NUTM1: variants seen among roughly 807,000 people sequenced by gnomAD.
NUTM1 encodes NUT midline carcinoma family member 1, also known as NUT family member 1.
NUTM1 carries 39 observed loss-of-function variants against 88.7 expected under a neutral mutation model. The observed-to-expected ratio is 0.44, with a 90% CI of 0.34 to 0.57. NUTM1 has a LOEUF of 0.57. Ranked by LOEUF, NUTM1 falls within the 20% of genes least tolerant of loss-of-function variation. NUTM1 has a pLI of 0.01. For missense variants in NUTM1, 1,350 were observed against 1,414.5 expected (o/e 0.95, Z 0.73); for synonymous variants, 494 against 538.0 (o/e 0.92, Z 1.13).
At chr15:34,352,642 C>CAAAAAAAAA in intron 4 of NUTM1, among the ~76,000 whole-genome samples, 1 of 112,726 alleles carries the variant, frequency 8.9e-6, no homozygotes, top group Non-Finnish European at 1.8e-5. Flanking sequence ...ACTAAAAATA[C>CAAAAAAAAA]AAAAAAAAAA....
intron 1 of NUTM1, among the ~76,000 whole-genome samples, chr15:34,344,502 C>CAAAAAAAAAAAAAAAA: frequency 1.2e-5 from 1 of 85,752 alleles, no homozygotes; most frequent in Non-Finnish European, 2.3e-5. Flanking sequence ...GATCCTGTCT[C>CAAAAAAAAAAAAAAAA]AAAAAAAAAA....
At chr15:34,354,308 A>G in intron 5 of NUTM1, 138 bp from the exon 6 acceptor site, 1 of 987,200 alleles carries the variant, frequency 1.0e-6, no homozygotes, top group South Asian at 1.4e-5. Context: ...GAGCTTACAG[A>G]GCTGGGAGGC....
Position 34,348,092 on chromosome 15 carries a change from C to T in NUTM1, c.224C>T (p.Pro75Leu), listed in dbSNP as rs373347689. The T allele has an allele frequency of 4.3e-6, 7 of 1,614,022 alleles. No individual in the cohort carries two copies. Among genetic ancestry groups the T allele is most frequent in the South Asian group, 1.1e-5 (1 of 91,092 alleles). Residue 75 changes from proline (P) to leucine (L), a missense_variant, in exon 3 of 8, where the codon CCA becomes CTA. Pro to Leu is a moderately conservative substitution (Grantham distance 98). Around this residue, in one of 5 missense-constraint regions of NUTM1, gnomAD observed 399 missense variants for 397.9 expected, o/e 1.00. Coordinates refer to ENST00000537011, the MANE Select transcript of NUTM1 (RefSeq NM_001284292.2). ...GACCACCCACCCAGGGAGCCACCTC[C>T]ACAGCCCATCATGCCTTCAGTATTC... is the stretch of plus-strand genomic sequence containing the variant. ...PPDHPPREPP[P>L]QPIMPSVFSP...
chr15:34,357,337 C>G lies in NUTM1; in HGVS notation c.3329C>G (p.Ala1110Gly). Reference protein sequence around the residue: ...SGKRALAGGPAPTEKTPHSGA... With the variant: ...SGKRALAGGPGPTEKTPHSGA... ...AAGCGAGCTCTAGCTGGAGGTCCAGCCCCTACTGAAAAGACACCCCACTCA... is the reference window on the plus strand; with the variant it reads ...AAGCGAGCTCTAGCTGGAGGTCCAGGCCCTACTGAAAAGACACCCCACTCA... The change falls in exon 8 of 8, where the codon GCC becomes GGC. Residue 1110 changes from alanine to glycine, a missense_variant. Ala to Gly is a moderately conservative substitution (Grantham distance 60). Coordinates refer to ENST00000537011, the MANE Select transcript of NUTM1 (RefSeq NM_001284292.2). 3 of 1,614,182 alleles carry G rather than the reference C, an allele frequency of 1.9e-6. No individual in the cohort carries two copies. Among genetic ancestry groups the G allele is most frequent in the Non-Finnish European group, 2.5e-6 (3 of 1,180,034 alleles).
Position 34,357,238 on chromosome 15 carries a change from A to G in NUTM1, c.3230A>G (p.Gln1077Arg). The change falls in exon 8 of 8, where the codon CAG (glutamine) becomes CGG (arginine). Residue 1077 changes from glutamine to arginine, a missense_variant. Coordinates refer to ENST00000537011, the MANE Select transcript of NUTM1 (RefSeq NM_001284292.2). Reference sequence around the variant, plus strand: ...CATGCCTCAGGAGGTCAGGGCAGCCAGAGAGCATCCCACCTGCTCCCTGCT... The same window carrying G: ...CATGCCTCAGGAGGTCAGGGCAGCCGGAGAGCATCCCACCTGCTCCCTGCT... ...PHHASGGQGSQRASHLLPAGA... is the reference protein window; with the variant it reads ...PHHASGGQGSRRASHLLPAGA... 6.2e-7 allele frequency: 1 copy of G among 1,614,184 alleles called. No individual in the cohort carries two copies. Among genetic ancestry groups the G allele is most frequent in the Non-Finnish European group, 8.5e-7 (1 of 1,180,036 alleles).
Position 34,355,700 on chromosome 15 carries a change from G to T in NUTM1, c.1692G>T (p.Val564=). 2 of 1,610,444 alleles carry T rather than the reference G, an allele frequency of 1.2e-6. No individual in the cohort carries two copies. Among genetic ancestry groups the T allele is most frequent in the Non-Finnish European group, 1.7e-6 (2 of 1,177,926 alleles). The change falls in exon 8 of 8, where the codon GTG becomes GTT. Residue 564 remains valine, a synonymous_variant. Transcript: ENST00000537011. The surrounding 1 kb of genome is among the most constrained non-coding windows in gnomAD (Gnocchi z 4.3). ...VSSSGKRARE[V]HGGQEQALDS... ...CTTCAGGAAAACGGGCAAGAGAAGT[G>T]CATGGTGGGCAGGAGCAAGCCCTAG...
In NUTM1 at chr15:34,345,955, C is replaced by T; in HGVS notation, c.20C>T (p.Pro7Leu). The change falls in exon 2 of 8, where the codon CCT (proline) becomes CTT (leucine). Residue 7 changes from proline to leucine, a missense_variant. Pro to Leu is a moderately conservative substitution (Grantham distance 98). Coordinates refer to ENST00000537011, the MANE Select transcript of NUTM1 (RefSeq NM_001284292.2). MVVTLGPGPDCLILEAS... is the reference protein window; with the variant it reads MVVTLGLGPDCLILEAS... ...TACTGGAGCCAGGTTACTCTGGGTC[C>T]TGGACCTGACTGCCTCATTCTGGAG... The T allele has an allele frequency of 6.2e-7, 1 of 1,614,108 alleles. No individual in the cohort carries two copies. The highest frequency in any genetic ancestry group is 8.5e-7 in the Non-Finnish European group (1 of 1,179,982).
Position 34,357,315 on chromosome 15 carries a change from C to T in NUTM1, c.3307C>T (p.Arg1103Ter), listed in dbSNP as rs529767971. The T allele has an allele frequency of 6.8e-6, 11 of 1,614,026 alleles. No homozygotes were observed. The highest frequency in any genetic ancestry group is 2.2e-5 in the South Asian group (2 of 91,086). ...LPYPVAKSGK[R>*]ALAGGPAPTE... Reference sequence around the variant, plus strand: ...ATATCCTGTTGCCAAGTCTGGGAAGCGAGCTCTAGCTGGAGGTCCAGCCCC... The same window carrying T: ...ATATCCTGTTGCCAAGTCTGGGAAGTGAGCTCTAGCTGGAGGTCCAGCCCC... The change falls in exon 8 of 8, where the codon CGA (arginine) becomes TGA (stop). Residue 1103 changes from arginine to a stop codon, truncating the protein, a stop_gained. Coordinates refer to ENST00000537011, the MANE Select transcript of NUTM1 (RefSeq NM_001284292.2). LOFTEE classifies it high-confidence loss of function.
chr15:34,348,011 C>T lies in NUTM1; in HGVS notation c.143C>T (p.Ala48Val). The change falls in exon 3 of 8, where the codon GCC becomes GTC. Residue 48 changes from alanine (A) to valine (V), a missense_variant. Ala to Val is a moderately conservative substitution (Grantham distance 64, BLOSUM62 0). Around this residue, in one of 5 missense-constraint regions of NUTM1, gnomAD observed 399 missense variants for 397.9 expected, o/e 1.00. Coordinates refer to ENST00000537011, the MANE Select transcript of NUTM1 (RefSeq NM_001284292.2). The stretch of plus-strand genomic sequence containing the variant: ...CCGGATATGAGCATGAAACCTAGTG[C>T]CGCCCCGTCTCCATCCCCTGCACTT... ...PGPDMSMKPS[A>V]APSPSPALPF... 6.2e-7 allele frequency: 1 copy of T among 1,613,570 alleles called. No homozygotes were observed. The highest frequency in any genetic ancestry group is 8.5e-7 in the Non-Finnish European group (1 of 1,179,754).
At chr15:34,349,017 C>T (rs1890660489) in intron 3 of NUTM1, among the ~76,000 whole-genome samples, 1 of 152,080 alleles carries the variant, frequency 6.6e-6, no homozygotes, top group Non-Finnish European at 1.5e-5. Context: ...CAGGGTCCTC[C>T]CCCCGTTCTA....
Position 34,354,633 on chromosome 15 carries a change from G to A in NUTM1, c.1263G>A (p.Glu421=), listed in dbSNP as rs747068671. ...LATGESDGKQ[E]EEGQQQEEEG... is the part of the protein sequence containing the mutation. ...CTGGGGAGTCAGATGGAAAACAAGA[G>A]GAAGAAGGGCAGCAGCAGGAGGAGG... Residue 421 remains glutamate, a synonymous_variant, in exon 6 of 8, where the codon GAG becomes GAA. Coordinates refer to ENST00000537011, the MANE Select transcript of NUTM1 (RefSeq NM_001284292.2). The A allele has an allele frequency of 2.0e-4, 328 of 1,614,036 alleles. No homozygotes were observed. Among genetic ancestry groups the A allele is most frequent in the Non-Finnish European group, 2.7e-4 (321 of 1,180,032 alleles).
intron 2 of NUTM1, among the ~76,000 whole-genome samples, chr15:34,346,881 T>TAAA (rs10671676): frequency 0.17 from 5,913 of 34,182 alleles, 2,336 homozygotes; most frequent in Non-Finnish European, 0.21. Context: ...AGACTCCATC[T>TAAA]AAAAAAAAAA....
In NUTM1 at chr15:34,343,472, C is replaced by T. The variant is rs1890523691; in HGVS notation, c.-225C>T. 3 of 972,486 alleles carry T rather than the reference C, an allele frequency of 3.1e-6. No individual in the cohort carries two copies. The highest frequency in any genetic ancestry group is 5.3e-5 in the East Asian group (2 of 37,962). The allele number at this position is 972,486 out of a possible 1,614,324, so 60.2% of individuals were successfully genotyped here. ...AAACAAGGGCTCCAGGATTCAGAGC[C>T]CCTTTACCCTAGGGAAGAAAGAAGA... is the stretch of plus-strand genomic sequence containing the variant. On this transcript the variant is annotated 5_prime_UTR_variant, in exon 1 of 8. Coordinates refer to ENST00000537011, the MANE Select transcript of NUTM1 (RefSeq NM_001284292.2).
chr15:34,352,039 G>A (rs1026672966), intron 4 of NUTM1, among the ~76,000 whole-genome samples: 9 of 151,956 alleles, frequency 5.9e-5, no homozygotes, highest in Non-Finnish European at 8.8e-5. Context: ...GCATGGTGGC[G>A]CATGCCTGTA....
Position 34,355,545 on chromosome 15 carries a change from A to G in NUTM1, c.1537A>G (p.Ser513Gly), listed in dbSNP as rs895138270. Residue 513 changes from serine to glycine, a missense_variant, in exon 8 of 8, where the codon AGT (serine) becomes GGT (glycine). By Grantham distance (56) the Ser-to-Gly change is moderately conservative (BLOSUM62 0). Coordinates refer to ENST00000537011, the MANE Select transcript of NUTM1 (RefSeq NM_001284292.2). The surrounding 1 kb of genome is among the most constrained non-coding windows in gnomAD (Gnocchi z 4.3). ...EEEEDAEAPP[S>G]FSGAQLDSSP... Reference sequence around the variant, plus strand: ...GGAGGAAGATGCAGAGGCGCCTCCAAGTTTCAGTGGCGCTCAGTTGGACTC... The same window carrying G: ...GGAGGAAGATGCAGAGGCGCCTCCAGGTTTCAGTGGCGCTCAGTTGGACTC... 24 of 1,614,124 alleles carry G rather than the reference A, an allele frequency of 1.5e-5. No homozygotes were observed. The highest frequency in any genetic ancestry group is 1.9e-5 in the Non-Finnish European group (23 of 1,179,992).
Position 34,357,230 on chromosome 15 carries a change from G to A in NUTM1, c.3222G>A (p.Gln1074=). 1.2e-6 allele frequency: 2 copies of A among 1,614,126 alleles called. No individual in the cohort carries two copies. Among genetic ancestry groups the A allele is most frequent in the Non-Finnish European group, 1.7e-6 (2 of 1,180,030 alleles). The change falls in exon 8 of 8, where the codon CAG becomes CAA. Residue 1074 remains glutamine, a synonymous_variant. Coordinates refer to ENST00000537011, the MANE Select transcript of NUTM1 (RefSeq NM_001284292.2). ...PLSPHHASGG[Q]GSQRASHLLP... ...GTCCTCACCATGCCTCAGGAGGTCA[G>A]GGCAGCCAGAGAGCATCCCACCTGC...
Position 34,355,413 on chromosome 15 carries a change from A to C in NUTM1, c.1480-75A>C, listed in dbSNP as rs1595613358. On this transcript the variant is annotated intron_variant, in intron 7 of 7. Coordinates refer to ENST00000537011, the MANE Select transcript of NUTM1 (RefSeq NM_001284292.2). This position sits in a 1 kb window ranked among gnomAD's most constrained non-coding sequence, Gnocchi z 4.3. ...CTTGCCTTCCTTGCCCTGCCCAAAT[A>C]CCGTCTTGTGCCACCCACTCAGCCA... 2.0e-4 allele frequency: 302 copies of C among 1,490,308 alleles called. No individual in the cohort carries two copies. Among genetic ancestry groups the C allele is most frequent in the Non-Finnish European group, 2.7e-4 (287 of 1,076,340 alleles). The allele number at this position is 1,490,308 out of a possible 1,614,324, so 92.3% of individuals were successfully genotyped here. A position where few individuals can be genotyped will look rare whatever the true frequency, so the allele number is the denominator to read the frequency against.
Position 34,356,215 on chromosome 15 carries a change from G to A in NUTM1, c.2207G>A (p.Arg736Lys). Residue 736 changes from arginine (R) to lysine (K), a missense_variant, in exon 8 of 8, where the codon AGA becomes AAA. Coordinates refer to ENST00000537011, the MANE Select transcript of NUTM1 (RefSeq NM_001284292.2). ...AQSYDQNPSP[R>K]AAGERDDVCL... is the part of the protein sequence containing the mutation. ...AGTTATGATCAGAATCCTTCCCCTA[G>A]AGCAGCTGGGGAGAGGGACGATGTC... is the stretch of plus-strand genomic sequence containing the variant. 1.2e-6 allele frequency: 2 copies of A among 1,607,320 alleles called. No homozygotes were observed. The highest frequency in any genetic ancestry group is 8.5e-7 in the Non-Finnish European group (1 of 1,175,250).
At chr15:34,349,773 C>G (rs11631776) in intron 3 of NUTM1, among the ~76,000 whole-genome samples, 39,142 of 152,272 alleles carry the variant, frequency 0.26, 6,431 homozygotes, top group Non-Finnish European at 0.37. Flanking sequence ...CCCCAAAGTC[C>G]TAGATGTACA....
Sources: allele counts gnomAD v4.1 joint callset (sites outside exome capture counted in the v4.1 genomes callset), GRCh38; gene constraint gnomAD v4.1.1; regional missense constraint gnomAD v4.1.1; non-coding constraint Gnocchi (gnomAD v3.1); transcripts MANE v1.5; gene names NCBI Gene and HGNC (gene_info 2026-07-23, HGNC 2026-07-21).